Variants in VAC14 observed in about 807,000 individuals in gnomAD.
VAC14 encodes the protein protein VAC14 homolog.
Under a neutral mutation model 85.3 loss-of-function variants are expected in VAC14, and 47 were observed. The observed-to-expected ratio is 0.55, with a 90% CI of 0.44 to 0.70. VAC14 has a LOEUF of 0.70. Among genes scored for constraint, VAC14 ranks in the 30% least tolerant of loss-of-function variants. VAC14 has a pLI of 0.00. For synonymous variants in VAC14, 447 were observed against 430.5 expected (o/e 1.04, Z -0.47); for missense variants, 861 against 1,004.3 (o/e 0.86, Z 1.93).
intron 1 of VAC14, among the ~76,000 whole-genome samples, chr16:70,790,054 T>C (rs1278755243): frequency 6.6e-6 from 1 of 152,190 alleles, no homozygotes; most frequent in Non-Finnish European, 1.5e-5. Flanking sequence ...ATGAGAGCTA[T>C]TCCCTGCCCC....
intron 9 of VAC14, among the ~76,000 whole-genome samples, chr16:70,775,339 G>A (rs1360952844): frequency 6.6e-6 from 1 of 152,074 alleles, no homozygotes; most frequent in Admixed American, 6.5e-5. Flanking sequence ...CGCTCCCCGG[G>A]GTAGGCAAGT....
intron 1 of VAC14, among the ~76,000 whole-genome samples, chr16:70,800,096 G>GA (rs1378017288): frequency 6.7e-6 from 1 of 150,362 alleles, no homozygotes; most frequent in African/African-American, 2.4e-5. Context: ...ATGTGACTGG[G>GA]AAAAAACCCA....
chr16:70,695,775 C>T (rs2053694597), intron 16 of VAC14, 152 bp from the exon 17 acceptor site: 2 of 660,382 alleles, frequency 3.0e-6, no homozygotes, highest in African/African-American at 1.8e-5. Flanking sequence ...CCAGGCTCTT[C>T]CCTGTTCCTC....
In VAC14 at chr16:70,726,617, T is replaced by C. The variant is rs75023857; in HGVS notation, c.1661+4878A>G. 3.7e-3 allele frequency among the ~76,000 whole-genome samples: 568 copies of C among 152,242 alleles called. 2 individuals are homozygous for C. Among genetic ancestry groups the C allele is most frequent in the South Asian group, 0.015 (71 of 4,824 alleles). ...TCACACAGTTAAAAATGGGAGGAAT[T>C]GGGGTTTGAGCCCCAAATGAGTGCC... is the stretch of plus-strand genomic sequence containing the variant. On this transcript the variant is annotated intron_variant, in intron 14 of 18. Coordinates refer to ENST00000261776, the MANE Select transcript of VAC14 (RefSeq NM_018052.5).
chr16:70,721,279 G>A (rs1435331941), intron 14 of VAC14, among the ~76,000 whole-genome samples: 1 of 152,152 alleles, frequency 6.6e-6, no homozygotes, highest in South Asian at 2.1e-4. Flanking sequence ...GCCTGAGTGG[G>A]TGGAGTCAGT....
At chr16:70,736,944 G>A (rs1328417635) in intron 13 of VAC14, among the ~76,000 whole-genome samples, 1 of 152,164 alleles carries the variant, frequency 6.6e-6, no homozygotes, top group Non-Finnish European at 1.5e-5. Flanking sequence ...TCAGTGCTCA[G>A]CAGGACAGGG....
chr16:70,742,318 T>C (rs2030403092), intron 13 of VAC14, among the ~76,000 whole-genome samples: 1 of 152,166 alleles, frequency 6.6e-6, no homozygotes, highest in Non-Finnish European at 1.5e-5. Context: ...GGTCAGTTCT[T>C]GCTGCTCCTC....
intron 1 of VAC14, 48 bp downstream of exon 1, chr16:70,800,749 G>T: frequency 1.3e-6 from 2 of 1,518,076 alleles, no homozygotes; most frequent in South Asian, 2.3e-5. Flanking sequence ...CTGGGGAGCA[G>T]AGCAGTCAGG....
intron 8 of VAC14, 56 bp downstream of exon 8, chr16:70,781,813 A>G: frequency 3.8e-6 from 6 of 1,596,018 alleles, no homozygotes; most frequent in Non-Finnish European, 5.1e-6. Context: ...GGGTCCCTCA[A>G]CTTCATAATC....
Position 70,762,956 on chromosome 16 carries a change from G to C in VAC14, c.1230C>G (p.Asp410Glu), listed in dbSNP as rs753447443. Reference protein sequence around the residue: ...IVQVLNCHLSDTAIGMMTRIA... With the variant: ...IVQVLNCHLSETAIGMMTRIA... Reference sequence around the variant, plus strand: ...TCCTGGTCATCATCCCAATGGCCGTGTCACTGAGGTGGCAGTTTAGGACCT... The same window carrying C: ...TCCTGGTCATCATCCCAATGGCCGTCTCACTGAGGTGGCAGTTTAGGACCT... The change falls in exon 11 of 19, where the codon GAC becomes GAG. Residue 410 changes from aspartate to glutamate, a missense_variant. This residue lies in a region of VAC14 where 629 missense variants were observed against 703.1 expected (regional missense o/e 0.89). Transcript: ENST00000261776. The surrounding 1 kb of genome is among the most constrained non-coding windows in gnomAD (Gnocchi z 4.1). The C allele has an allele frequency of 6.2e-7, 1 of 1,614,246 alleles. No individual in the cohort carries two copies. The highest frequency in any genetic ancestry group is 8.5e-7 in the Non-Finnish European group (1 of 1,180,058).
chr16:70,708,705 A>T (rs1055755640), intron 14 of VAC14, among the ~76,000 whole-genome samples: 1 of 152,206 alleles, frequency 6.6e-6, no homozygotes, highest in African/African-American at 2.4e-5. Context: ...TGAAGCTGAG[A>T]TAGCAGGAAG....
intron 13 of VAC14, among the ~76,000 whole-genome samples, chr16:70,741,044 C>T (rs2030242340): frequency 6.6e-6 from 1 of 152,264 alleles, no homozygotes; most frequent in African/African-American, 2.4e-5. Flanking sequence ...CTTTGCTAGG[C>T]TCCCTGCCTC....
intron 4 of VAC14, among the ~76,000 whole-genome samples, chr16:70,784,446 G>A (rs1485585786): frequency 6.6e-6 from 1 of 152,158 alleles, no homozygotes; most frequent in Non-Finnish European, 1.5e-5. Flanking sequence ...AGAACCAACT[G>A]AATGGCAAGA....
chr16:70,782,805 C>T (rs2033874661), intron 7 of VAC14, among the ~76,000 whole-genome samples: 1 of 152,230 alleles, frequency 6.6e-6, no homozygotes, highest in African/African-American at 2.4e-5. Flanking sequence ...AGGCCACACA[C>T]ACCAGGTGAA....
At chr16:70,785,388 G>A (rs1465918725) in intron 3 of VAC14, among the ~76,000 whole-genome samples, 1 of 152,254 alleles carries the variant, frequency 6.6e-6, no homozygotes, top group Non-Finnish European at 1.5e-5. Context: ...AGTACGGTCT[G>A]GATGATGGCG....
chr16:70,735,363 C>G (rs7189248), intron 13 of VAC14, among the ~76,000 whole-genome samples: 6 of 107,918 alleles, frequency 5.6e-5, no homozygotes, highest in African/African-American at 5.0e-4. Context: ...ATCAGATGTT[C>G]CCAGAAGCAT....
chr16:70,703,336 G>T (rs903126075), intron 14 of VAC14, among the ~76,000 whole-genome samples: 2 of 151,720 alleles, frequency 1.3e-5, no homozygotes, highest in African/African-American at 4.9e-5. Context: ...TGGGGTGGGA[G>T]GGAACCTGAA....
chr16:70,737,576 G>A (rs1192340471), intron 13 of VAC14, among the ~76,000 whole-genome samples: 1 of 152,172 alleles, frequency 6.6e-6, no homozygotes, highest in Non-Finnish European at 1.5e-5. Flanking sequence ...CCAGCCCCTG[G>A]CAGGAAGTGC....
At chr16:70,723,767 A>G (rs2054353366) in intron 14 of VAC14, among the ~76,000 whole-genome samples, 1 of 152,134 alleles carries the variant, frequency 6.6e-6, no homozygotes, top group Admixed American at 6.5e-5. Context: ...TGCAGACAAC[A>G]AAGAACGTGC....
Sources: gnomAD v4.1 joint callset for allele counts (sites outside exome capture counted in the v4.1 genomes callset) on GRCh38, gnomAD v4.1.1 for gene constraint, gnomAD v4.1.1 regional missense constraint, Gnocchi (gnomAD v3.1) non-coding constraint, MANE v1.5 for transcripts, NCBI Gene and HGNC (gene_info 2026-07-23, HGNC 2026-07-21) for gene names.